KCNQ1: variants seen among roughly 807,000 people sequenced by gnomAD.
KCNQ1 encodes the protein potassium voltage-gated channel subfamily KQT member 1.
Under a neutral mutation model 72.4 loss-of-function variants are expected in KCNQ1, and 49 were observed. The ratio of observed to expected loss-of-function variants is 0.68; its 90% CI spans 0.54 to 0.86. The LOEUF (loss-of-function observed/expected upper bound fraction) is 0.86. Among genes scored for constraint, KCNQ1 ranks in the 40% least tolerant of loss-of-function variants. The probability of loss-of-function intolerance (pLI) is 0.00; values close to 1 mark genes in which losing one functional copy is unlikely to be tolerated. For synonymous variants in KCNQ1, 450 were observed against 412.6 expected (o/e 1.09, Z -1.10); for missense variants, 790 against 945.1 (o/e 0.84, Z 2.15).
At chr11:2,568,938 A>G (rs1564819451) in intron 2 of KCNQ1, among the ~76,000 whole-genome samples, 1 of 152,168 alleles carries the variant, frequency 6.6e-6, no homozygotes, top group Non-Finnish European at 1.5e-5. Context: ...AGGCTGGAGT[A>G]CAATGGTGTG....
rs1395483738 is a variant in KCNQ1, at chr11:2,549,725, T to G, written c.478-20903T>G. 6.6e-6 allele frequency among the ~76,000 whole-genome samples: 1 copy of G among 151,888 alleles called. No homozygotes were observed. The highest frequency in any genetic ancestry group is 2.1e-4 in the South Asian group (1 of 4,828). ...GTGGCCCTGGGCTCCCCAGGCCTGG[T>G]GTGGGGGTGCCTGGGGGGCAGTGGA... On this transcript the variant is annotated intron_variant, in intron 2 of 15. Transcript: ENST00000155840. The surrounding 1 kb of genome is among the most constrained non-coding windows in gnomAD (Gnocchi z 6.2).
At chr11:2,747,008 C>T (rs1015739543) in intron 11 of KCNQ1, among the ~76,000 whole-genome samples, 2 of 152,202 alleles carry the variant, frequency 1.3e-5, no homozygotes, top group Admixed American at 6.5e-5. Context: ...CCCAGGCAGG[C>T]GTGGGAATCC....
rs895421032 is a variant in KCNQ1, at chr11:2,695,518, T to G, written c.1514+33437T>G. 2.5e-6 allele frequency: 1 copy of G among 398,570 alleles called. No individual in the cohort carries two copies. Among genetic ancestry groups the G allele is most frequent in the Admixed American group, 4.4e-5 (1 of 22,712 alleles). The allele number at this position is 398,570 out of a possible 1,614,324, so 24.7% of individuals were successfully genotyped here. A position where few individuals can be genotyped will look rare whatever the true frequency, so the allele number is the denominator to read the frequency against. Reference sequence around the variant, plus strand: ...TCTAGTCCCCTGCTCCTAACCACAGTGACCAGCTCCAACTGCCCACCCCTA... The same window carrying G: ...TCTAGTCCCCTGCTCCTAACCACAGGGACCAGCTCCAACTGCCCACCCCTA... On this transcript the variant is annotated intron_variant, in intron 11 of 15. Coordinates refer to ENST00000155840, the MANE Select transcript of KCNQ1 (RefSeq NM_000218.3). The surrounding 1 kb of genome is among the most constrained non-coding windows in gnomAD (Gnocchi z 5.2).
rs182475537 is a variant in KCNQ1, at chr11:2,745,810, A to G, written c.1515-23034A>G. On this transcript the variant is annotated intron_variant, in intron 11 of 15. Coordinates refer to ENST00000155840, the MANE Select transcript of KCNQ1 (RefSeq NM_000218.3). This position sits in a 1 kb window ranked among gnomAD's most constrained non-coding sequence, Gnocchi z 6.2. ...CGCCTTCAGGCCTGAGCCCGGGGCC[A>G]GGACCAGGAGCAGGCGGCAGCAGCA... is the stretch of plus-strand genomic sequence containing the variant. 6.6e-6 allele frequency among the ~76,000 whole-genome samples: 1 copy of G among 152,376 alleles called. No individual in the cohort carries two copies. The highest frequency in any genetic ancestry group is 2.4e-5 in the African/African-American group (1 of 41,596).
chr11:2,728,532 C>T (rs946572930), intron 11 of KCNQ1, among the ~76,000 whole-genome samples: 3 of 152,238 alleles, frequency 2.0e-5, no homozygotes, highest in African/African-American at 7.2e-5. Context: ...GGGTCCAGGT[C>T]ACTTCCTCTA....
At chr11:2,585,748 C>A (rs1485038154) in intron 8 of KCNQ1, among the ~76,000 whole-genome samples, 2 of 152,206 alleles carry the variant, frequency 1.3e-5, no homozygotes, top group African/African-American at 2.4e-5. Context: ...GCTCGGGAGG[C>A]CCTGGTGCCT....
At chr11:2,577,125 C>T (rs1405551277) in intron 6 of KCNQ1, among the ~76,000 whole-genome samples, 1 of 152,222 alleles carries the variant, frequency 6.6e-6, no homozygotes, top group Non-Finnish European at 1.5e-5. Flanking sequence ...ACCGAAAGGG[C>T]CTCCTGGTGA....
At chr11:2,455,461 A>G (rs544715035) in intron 1 of KCNQ1, among the ~76,000 whole-genome samples, 38 of 152,348 alleles carry the variant, frequency 2.5e-4, no homozygotes, top group Admixed American at 1.6e-3. Flanking sequence ...ATGCAATTCC[A>G]TTTATAATAG....
At chr11:2,680,957 G>A (rs1850386447) in intron 11 of KCNQ1, 1 of 398,390 alleles carries the variant, frequency 2.5e-6, no homozygotes, top group Admixed American at 4.4e-5. Context: ...CTATTTACTA[G>A]TGTTTTCAAG....
rs567237406 is a variant in KCNQ1 at position 2,507,368 on chromosome 11, C to T, written c.387-20560C>T. Among the ~76,000 whole-genome samples, 15 of 152,174 alleles carry T rather than the reference C, an allele frequency of 9.9e-5. No homozygotes were observed. In the South Asian group the frequency reaches 2.1e-3, roughly 21 times the overall value. On this transcript the variant is annotated intron_variant, in intron 1 of 15. Coordinates refer to ENST00000155840, the MANE Select transcript of KCNQ1 (RefSeq NM_000218.3). The surrounding 1 kb of genome is among the most constrained non-coding windows in gnomAD (Gnocchi z 5.4). ...GGGTCATCGGGCAGGACACGAGATG[C>T]GCAGGAGGCTGTGACTGAGGTGGCT...
At chr11:2,561,208 A>AG (rs1554891920) in intron 2 of KCNQ1, among the ~76,000 whole-genome samples, 110 of 147,744 alleles carry the variant, frequency 7.4e-4, no homozygotes, top group Middle Eastern at 3.5e-3. Flanking sequence ...CTCAAAAAAA[A>AG]AAAAAAAGAA....
In KCNQ1 at chr11:2,559,168, T is replaced by G. The variant is rs904318845; in HGVS notation, c.478-11460T>G. Among the ~76,000 whole-genome samples the G allele has an allele frequency of 3.3e-5, 5 of 151,986 alleles. No homozygotes were observed. In the South Asian group the frequency reaches 1.0e-3, roughly 32 times the overall value. ...GTCCCTTGAGCAAAATATTGCACTT[T>G]CGTTGCTCTCTGAAAGCCTACCAGG... On this transcript the variant is annotated intron_variant, in intron 2 of 15. Coordinates refer to ENST00000155840, the MANE Select transcript of KCNQ1 (RefSeq NM_000218.3). The surrounding 1 kb of genome is among the most constrained non-coding windows in gnomAD (Gnocchi z 4.9).
intron 10 of KCNQ1, chr11:2,632,520 G>A: frequency 2.5e-6 from 1 of 398,122 alleles, no homozygotes; most frequent in Non-Finnish European, 4.4e-6. Flanking sequence ...CTTTTTCTTT[G>A]TCCTTTTATT....
chr11:2,591,219 G>A (rs1848666353), intron 10 of KCNQ1, among the ~76,000 whole-genome samples: 1 of 152,216 alleles, frequency 6.6e-6, no homozygotes, highest in South Asian at 2.1e-4. Flanking sequence ...CATTCAGGAT[G>A]GCTCACCTGC....
chr11:2,809,999 A>G lies in KCNQ1; in HGVS notation c.1794+31962A>G, dbSNP rs969805399. On this transcript the variant is annotated intron_variant, in intron 15 of 15. Transcript: ENST00000155840. This position sits in a 1 kb window ranked among gnomAD's most constrained non-coding sequence, Gnocchi z 7.1. ...GAAGGTAAGCATTCAAAGTTCTTAC[A>G]TGGTGAAAATATCTTCATTCAACCA... is the stretch of plus-strand genomic sequence containing the variant. 1.3e-5 allele frequency among the ~76,000 whole-genome samples: 2 copies of G among 152,212 alleles called. No individual in the cohort carries two copies. The highest frequency in any genetic ancestry group is 2.9e-5 in the Non-Finnish European group (2 of 68,046).
intron 2 of KCNQ1, among the ~76,000 whole-genome samples, chr11:2,551,199 G>A (rs1847978154): frequency 6.6e-6 from 1 of 152,138 alleles, no homozygotes; most frequent in Admixed American, 6.5e-5. Context: ...TTATGGTCCT[G>A]TAACCACCCC....
chr11:2,756,972 A>C (rs58992489), intron 11 of KCNQ1, among the ~76,000 whole-genome samples: 3 of 129,516 alleles, frequency 2.3e-5, no homozygotes, highest in East Asian at 3.9e-4. Flanking sequence ...AAAAAAAAAA[A>C]AAAAAAAAAC....
intron 10 of KCNQ1, chr11:2,615,113 C>T: frequency 2.5e-6 from 1 of 398,262 alleles, no homozygotes; most frequent in Non-Finnish European, 4.4e-6. Flanking sequence ...CTTTCACCTT[C>T]TTGTTTTAAT....
chr11:2,619,537 C>A, intron 10 of KCNQ1: 2 of 398,390 alleles, frequency 5.0e-6, no homozygotes, highest in Non-Finnish European at 8.8e-6. Context: ...GATATATAAT[C>A]TTTTTGATGT....
Sources: allele counts gnomAD v4.1 joint callset (sites outside exome capture counted in the v4.1 genomes callset), GRCh38; gene constraint gnomAD v4.1.1; non-coding constraint Gnocchi (gnomAD v3.1); transcripts MANE v1.5; gene names NCBI Gene and HGNC (gene_info 2026-07-23, HGNC 2026-07-21).